Variants in MYLK observed in about 807,000 individuals in gnomAD.
MYLK encodes the protein myosin light chain kinase, also known as myosin light chain kinase, smooth muscle.
MYLK carries 106 observed loss-of-function variants against 203.4 expected under a neutral mutation model. The observed-to-expected ratio is 0.52, with a 90% confidence interval of 0.45 to 0.61. The LOEUF is 0.61. MYLK is among the 20% of genes least tolerant of loss of function. The probability of loss-of-function intolerance (pLI) is 0.00; values close to 1 mark genes in which losing one functional copy is unlikely to be tolerated. For synonymous variants in MYLK, 867 were observed against 959.5 expected, an observed-to-expected ratio of 0.90 and a Z score of 1.78; for missense variants, 2,072 against 2,442.3, an observed-to-expected ratio of 0.85 and a Z score of 3.20.
rs557173675 is a variant in MYLK, at chr3:123,870,942, C to T, written c.-127+5617G>A. Among the ~76,000 whole-genome samples, 4 of 152,328 alleles carry T rather than the reference C, an allele frequency of 2.6e-5. No individual in the cohort carries two copies. The East Asian group carries it at 7.7e-4, about 29-fold the overall frequency. The stretch of plus-strand genomic sequence containing the variant: ...TGCAGGAACTCCAACTCCCTTTCCT[C>T]TCCTTTCTACAGACCATATTGGGAG... On this transcript the variant is annotated intron_variant, in intron 2 of 33. Coordinates refer to ENST00000360304, the MANE Select transcript of MYLK (RefSeq NM_053025.4).
rs4048400 is a variant in MYLK at position 123,867,421 on chromosome 3, CAAA to C, written c.-127+9135_-127+9137del. On this transcript the variant is annotated intron_variant, in intron 2 of 33. Coordinates refer to ENST00000360304, the MANE Select transcript of MYLK (RefSeq NM_053025.4). The stretch of plus-strand genomic sequence containing the variant: ...GGGATTTAATCCAATGACTAGTATC[CAAA>C]AAAAAAAAAAAAAAAACCAGGAGGA... Among the ~76,000 whole-genome samples, 486 of 68,718 alleles carry C rather than the reference CAAA, an allele frequency of 7.1e-3. 3 individuals carry two copies. The highest frequency in any genetic ancestry group is 0.022 in the South Asian group (47 of 2,150). The allele number at this position is 68,718 out of a possible 152,430, so 45.1% of individuals were successfully genotyped here. A position where few individuals can be genotyped will look rare whatever the true frequency, so the allele number is the denominator to read the frequency against.
At chr3:123,760,902 G>A (rs2063513738) in intron 4 of MYLK, among the ~76,000 whole-genome samples, 1 of 152,242 alleles carries the variant, frequency 6.6e-6, no homozygotes, top group Non-Finnish European at 1.5e-5. Context: ...CCAGTCTGCA[G>A]TTTTACTGTG....
intron 18 of MYLK, among the ~76,000 whole-genome samples, chr3:123,696,413 G>A (rs1235173096): frequency 6.6e-6 from 1 of 151,942 alleles, no homozygotes; most frequent in Non-Finnish European, 1.5e-5. Flanking sequence ...CAGGAAGCCG[G>A]GGGCAGGGCC....
chr3:123,835,927 G>A (rs1448482883), intron 2 of MYLK: 2 of 152,202 alleles, frequency 1.3e-5, no homozygotes, highest in Non-Finnish European at 2.9e-5. Context: ...CCATCAGAAG[G>A]AAGAAATGCT....
rs998978706 is a variant in MYLK, at chr3:123,695,715, C to A, written c.3449-2864G>T. ...CCTTTGCAAAATTCTACCCTGAAGG[C>A]AATTAAAAATGAATTACCTATTCAC... is the stretch of plus-strand genomic sequence containing the variant. On this transcript the variant is annotated intron_variant, in intron 18 of 33. Transcript: ENST00000360304. Among the ~76,000 whole-genome samples the A allele has an allele frequency of 2.6e-5, 4 of 152,104 alleles. No individual in the cohort carries two copies. The East Asian group carries it at 7.7e-4, about 29-fold the overall frequency.
chr3:123,620,204 T>C lies in MYLK; in HGVS notation c.5368+3A>G. 1 of 1,613,676 alleles carries C rather than the reference T, an allele frequency of 6.2e-7. No individual in the cohort carries two copies. Among genetic ancestry groups the C allele is most frequent in the Non-Finnish European group, 8.5e-7 (1 of 1,179,594 alleles). On this transcript the variant is annotated splice_donor_region_variant and intron_variant, in intron 32 of 33. Transcript: ENST00000360304. ...CCAGCTGGCTGGAGAAACTCCTCCTTACCTTCAGATTCTAGTTTTTCTGCA... is the reference window on the plus strand; with the variant it reads ...CCAGCTGGCTGGAGAAACTCCTCCTCACCTTCAGATTCTAGTTTTTCTGCA...
rs1041158572 is a variant in MYLK at position 123,687,797 on chromosome 3, G to A, written c.3565+4938C>T. On this transcript the variant is annotated intron_variant, in intron 19 of 33. Transcript: ENST00000360304. ...AGCTGTCCTCCTGGCTCATCCTCCT[G>A]AGTAGCTGGGACTACAGGCATGCCC... Among the ~76,000 whole-genome samples the A allele has an allele frequency of 2.0e-5, 3 of 151,870 alleles. No homozygotes were observed. In the East Asian group the frequency reaches 5.8e-4, roughly 29 times the overall value.
chr3:123,743,413 CA>C (rs1397182070), intron 5 of MYLK, among the ~76,000 whole-genome samples: 3 of 151,876 alleles, frequency 2.0e-5, no homozygotes, highest in Non-Finnish European at 2.9e-5. Flanking sequence ...CACATCAAGA[CA>C]AAAAGAATTT....
Position 123,814,699 on chromosome 3 carries a change from A to G in MYLK, c.-4+16849T>C, listed in dbSNP as rs931018316. ...TCATATTCTAGCAAGTAGACAAGCC[A>G]AAACTTAATGATGCCCCTGTTATTT... On this transcript the variant is annotated intron_variant, in intron 3 of 33. Coordinates refer to ENST00000360304, the MANE Select transcript of MYLK (RefSeq NM_053025.4). 2.6e-5 allele frequency among the ~76,000 whole-genome samples: 4 copies of G among 152,372 alleles called. No homozygotes were observed. In the South Asian group the frequency reaches 8.3e-4, roughly 32 times the overall value.
At chr3:123,723,847 T>G (rs546736769) in intron 12 of MYLK, among the ~76,000 whole-genome samples, 40 of 152,230 alleles carry the variant, frequency 2.6e-4, no homozygotes, top group Admixed American at 7.2e-4. Flanking sequence ...CTGGGCAGAA[T>G]GCTAATTGCA....
At chr3:123,769,937 C>T (rs1219253172) in intron 4 of MYLK, among the ~76,000 whole-genome samples, 2 of 152,104 alleles carry the variant, frequency 1.3e-5, no homozygotes, top group Non-Finnish European at 2.9e-5. Flanking sequence ...CTTGAATGGA[C>T]TGCAAGGCTG....
intron 27 of MYLK, among the ~76,000 whole-genome samples, chr3:123,646,635 G>A (rs1479300052): frequency 6.6e-6 from 1 of 152,242 alleles, no homozygotes; most frequent in Non-Finnish European, 1.5e-5. Flanking sequence ...GGCTTGGCTG[G>A]AGGTCATCTG....
chr3:123,681,804 T>C, intron 20 of MYLK: 1 of 251,204 alleles, frequency 4.0e-6, no homozygotes, highest in Admixed American at 4.8e-5. Context: ...TTGCAGGCTC[T>C]GGGGGCCACT....
Position 123,884,277 on chromosome 3 carries a change from C to T in MYLK, c.-257G>A, listed in dbSNP as rs1270130302. On this transcript the variant is annotated 5_prime_UTR_variant, in exon 1 of 34. Transcript: ENST00000360304. ...GGGCGCCCCGGCCGCAGGCGCACAG[C>T]GCGGGCTCCGAGCTCGCTCAGCGCC... 2 of 147,678 alleles carry T rather than the reference C, an allele frequency of 1.4e-5. No homozygotes were observed. The highest frequency in any genetic ancestry group is 3.0e-5 in the Non-Finnish European group (2 of 66,616). 9.1% of individuals were successfully genotyped at this position (147,678 alleles called of 1,614,324 possible).
chr3:123,777,009 C>G (rs555433645), intron 4 of MYLK, among the ~76,000 whole-genome samples: 23 of 152,378 alleles, frequency 1.5e-4, no homozygotes, highest in African/African-American at 5.5e-4. Context: ...GAGAGCAAAG[C>G]AGAACCATAG....
At chr3:123,802,024 A>C (rs2065214252) in intron 3 of MYLK, among the ~76,000 whole-genome samples, 1 of 152,182 alleles carries the variant, frequency 6.6e-6, no homozygotes, top group African/African-American at 2.4e-5. Context: ...TGGCTGGACT[A>C]ATTTACACTC....
At chr3:123,760,175 T>C (rs1041445460) in intron 4 of MYLK, among the ~76,000 whole-genome samples, 1 of 152,070 alleles carries the variant, frequency 6.6e-6, no homozygotes, top group Non-Finnish European at 1.5e-5. Context: ...TATGTATGTA[T>C]GTATGTATGT....
At chr3:123,801,670 CAT>C (rs1448342484) in intron 3 of MYLK, among the ~76,000 whole-genome samples, 1 of 152,180 alleles carries the variant, frequency 6.6e-6, no homozygotes, top group Non-Finnish European at 1.5e-5. Context: ...CAAGTGAGAA[CAT>C]GTGGTATTTG....
chr3:123,848,839 G>A (rs967155246), intron 2 of MYLK, among the ~76,000 whole-genome samples: 5 of 152,130 alleles, frequency 3.3e-5, no homozygotes, highest in African/African-American at 7.2e-5. Context: ...TATTTGCCTT[G>A]GACTACCTCG....
Sources: allele counts gnomAD v4.1 joint callset (sites outside exome capture counted in the v4.1 genomes callset), GRCh38; gene constraint gnomAD v4.1.1; transcripts MANE v1.5; gene names NCBI Gene and HGNC (gene_info 2026-07-23, HGNC 2026-07-21).